ZDHHC15: variants seen among roughly 807,000 people sequenced by gnomAD.
ZDHHC15 encodes palmitoyltransferase ZDHHC15.
ZDHHC15 carries 19 observed loss-of-function variants against 31.7 expected under a neutral mutation model. The observed-to-expected ratio is 0.60, with a 90% CI of 0.42 to 0.88. The LOEUF is 0.88. Ranked by LOEUF, ZDHHC15 falls within the 40% of genes least tolerant of loss-of-function variation. The pLI is 0.00. For synonymous variants in ZDHHC15, 103 were observed against 90.0 expected (o/e 1.14, Z -0.82); for missense variants, 209 against 251.2 (o/e 0.83, Z 1.14).
At chrX:75,491,317 T>C (rs1018902119) in intron 2 of ZDHHC15, among the ~76,000 whole-genome samples, 1 of 109,475 alleles carries the variant, frequency 9.1e-6, no homozygotes, top group African/African-American at 3.3e-5. Context: ...TGAGTTCATG[T>C]CCTTTGTAGG....
At chrX:75,377,088 C>T (rs1432053031) in intron 11 of ZDHHC15, among the ~76,000 whole-genome samples, 5 of 111,594 alleles carry the variant, frequency 4.5e-5, no homozygotes, top group Non-Finnish European at 7.5e-5. Context: ...CAGTTTGGAG[C>T]TTTTTACAAA....
In ZDHHC15 at chrX:75,369,066, A is replaced by G. The variant is rs1206509657; in HGVS notation, c.*3912T>C. 9.0e-6 allele frequency: 1 copy of G among 111,730 alleles called. No homozygotes were observed. Among genetic ancestry groups the G allele is most frequent in the Non-Finnish European group, 1.9e-5 (1 of 53,141 alleles). The allele number at this position is 111,730 out of a possible 1,213,427, so 9.2% of individuals were successfully genotyped here. Reference sequence around the variant, plus strand: ...ACGAGATGGAACTCATTAATTTTCTAAGAATATGGATCTTGTCCAAGGGCC... The same window carrying G: ...ACGAGATGGAACTCATTAATTTTCTGAGAATATGGATCTTGTCCAAGGGCC... On this transcript the variant is annotated 3_prime_UTR_variant, in exon 12 of 12. Coordinates refer to ENST00000373367, the MANE Select transcript of ZDHHC15 (RefSeq NM_144969.3).
chrX:75,406,682 T>C (rs1463717471), intron 10 of ZDHHC15, among the ~76,000 whole-genome samples: 1 of 102,555 alleles, frequency 9.8e-6, no homozygotes, highest in Non-Finnish European at 2.0e-5. Context: ...AGTAATGAGA[T>C]TGATGGTGTA....
intron 3 of ZDHHC15, among the ~76,000 whole-genome samples, chrX:75,474,885 A>G (rs2084575937): frequency 9.2e-6 from 1 of 108,939 alleles, no homozygotes; most frequent in African/African-American, 3.3e-5. Flanking sequence ...GTGAAACCCC[A>G]TCTCTACTAA....
At chrX:75,478,076 C>A (rs1360868155) in intron 3 of ZDHHC15, among the ~76,000 whole-genome samples, 2 of 111,211 alleles carry the variant, frequency 1.8e-5, no homozygotes, top group African/African-American at 6.5e-5. Flanking sequence ...TGGAACCTAC[C>A]CTAATTTAGA....
chrX:75,376,258 G>T (rs370532325), intron 11 of ZDHHC15, among the ~76,000 whole-genome samples: 63 of 92,560 alleles, frequency 6.8e-4, no homozygotes, highest in African/African-American at 1.6e-3. Context: ...TAATGGGGTT[G>T]TTTTTTTTTT....
chrX:75,425,748 A>G (rs1390497661), intron 7 of ZDHHC15, among the ~76,000 whole-genome samples: 1 of 112,004 alleles, frequency 8.9e-6, no homozygotes, highest in Non-Finnish European at 1.9e-5. Context: ...CTTCTGAATG[A>G]TCTAGTTCTA....
intron 10 of ZDHHC15, among the ~76,000 whole-genome samples, chrX:75,385,065 C>T (rs1454605944): frequency 9.0e-6 from 1 of 111,706 alleles, no homozygotes; most frequent in East Asian, 2.8e-4. Flanking sequence ...TAGGAATAAT[C>T]GTACAGGTCT....
intron 10 of ZDHHC15, among the ~76,000 whole-genome samples, chrX:75,402,569 GT>G (rs2147797591): frequency 9.0e-6 from 1 of 111,206 alleles, no homozygotes; most frequent in African/African-American, 3.3e-5. Flanking sequence ...TGTTACTACT[GT>G]CCCCACAGAA....
intron 3 of ZDHHC15, among the ~76,000 whole-genome samples, chrX:75,463,831 A>G (rs1197359414): frequency 1.8e-5 from 2 of 112,009 alleles, no homozygotes; most frequent in Non-Finnish European, 3.8e-5. Context: ...TTTTACACTG[A>G]TGGTGGGACT....
intron 4 of ZDHHC15, among the ~76,000 whole-genome samples, chrX:75,444,671 TATATATATATATATATAC>T (rs1331941055): frequency 1.0e-4 from 7 of 69,173 alleles, no homozygotes; most frequent in South Asian, 8.7e-4. Flanking sequence ...TATATATATA[TATATATATATATATATAC>T]ACACACACAC....
intron 10 of ZDHHC15, among the ~76,000 whole-genome samples, chrX:75,380,842 T>C (rs2083106717): frequency 9.0e-6 from 1 of 111,443 alleles, no homozygotes; most frequent in Admixed American, 9.6e-5. Flanking sequence ...AATGATGTTA[T>C]TTTAGTCTTA....
rs769444491 is a variant in ZDHHC15 at position 75,478,921 on chromosome X, G to A, written c.228C>T (p.Ile76=). 1.2e-5 allele frequency: 14 copies of A among 1,204,282 alleles called. No individual in the cohort carries two copies. Among genetic ancestry groups the A allele is most frequent in the Non-Finnish European group, 1.6e-5 (14 of 892,255 alleles). ...VFFTWTYWKS[I]FTLPQQPNQK... is the part of the protein sequence containing the mutation. ...GGTTTGGCTGCTGTGGGAGTGTAAA[G>A]ATAGACTTCCAGTAGGTCCAGGTAA... Residue 76 remains isoleucine (I), a synonymous_variant, in exon 3 of 12, where the codon ATC becomes ATT. Transcript: ENST00000373367.
At chrX:75,389,228 C>T (rs745439130) in intron 10 of ZDHHC15, among the ~76,000 whole-genome samples, 1 of 111,724 alleles carries the variant, frequency 9.0e-6, no homozygotes, top group Non-Finnish European at 1.9e-5. Flanking sequence ...GAAAGTACCG[C>T]TACTGCAAGC....
At position 75,377,745 on chromosome X, in the gene ZDHHC15, T is replaced by C. The variant is rs756350952; in HGVS notation, c.*32+1375A>G. Among the ~76,000 whole-genome samples the C allele has an allele frequency of 2.7e-5, 3 of 111,010 alleles. No homozygotes were observed. In the East Asian group the frequency reaches 8.5e-4, roughly 31 times the overall value. ...AAAAAGAAAGGATCCAACAGTTAAA[T>C]AAAATTTAAGGGACCACTACAACCT... is the stretch of plus-strand genomic sequence containing the variant. On this transcript the variant is annotated intron_variant, in intron 11 of 11. Transcript: ENST00000373367.
At chrX:75,429,055 C>A (rs1808998434) in intron 7 of ZDHHC15, 23 bp downstream of exon 7, 1 of 1,203,971 alleles carries the variant, frequency 8.3e-7, no homozygotes, top group Non-Finnish European at 1.1e-6. Context: ...TCTAGGGGAC[C>A]CTTCAGGATA....
At chrX:75,455,069 A>C (rs962838262) in intron 3 of ZDHHC15, among the ~76,000 whole-genome samples, 1 of 111,876 alleles carries the variant, frequency 8.9e-6, no homozygotes, top group African/African-American at 3.3e-5. Context: ...AGACAATCCT[A>C]AGCCAAAAGA....
At chrX:75,376,692 C>T (rs953048744) in intron 11 of ZDHHC15, among the ~76,000 whole-genome samples, 3 of 111,614 alleles carry the variant, frequency 2.7e-5, no homozygotes, top group African/African-American at 6.5e-5. Flanking sequence ...TGTTGCTTTG[C>T]CCATTTTCTA....
chrX:75,387,264 C>A (rs1484313963), intron 10 of ZDHHC15, among the ~76,000 whole-genome samples: 3 of 111,906 alleles, frequency 2.7e-5, no homozygotes, highest in Non-Finnish European at 3.8e-5. Context: ...CAAAAACAGA[C>A]ATGCATCCAC....
Sources: allele counts gnomAD v4.1 joint callset (sites outside exome capture counted in the v4.1 genomes callset), GRCh38; gene constraint gnomAD v4.1.1; transcripts MANE v1.5; gene names NCBI Gene and HGNC (gene_info 2026-07-23, HGNC 2026-07-21).